RAP1GAP2: variants seen among roughly 807,000 people sequenced by gnomAD.
The protein encoded by RAP1GAP2 is rap1 GTPase-activating protein 2.
Under a neutral mutation model 95.0 loss-of-function variants are expected in RAP1GAP2, and 27 were observed. That is an observed-to-expected ratio of 0.28 (90% CI 0.21 to 0.39). The LOEUF is 0.39. Among genes scored for constraint, RAP1GAP2 ranks in the 10% least tolerant of loss-of-function variants. The pLI is 1.00. For missense variants in RAP1GAP2, 771 were observed against 970.0 expected, an observed-to-expected ratio of 0.79 and a Z score of 2.72; for synonymous variants, 373 against 380.9, an observed-to-expected ratio of 0.98 and a Z score of 0.24.
Position 2,965,051 on chromosome 17 carries a change from C to T in RAP1GAP2, c.493-489C>T, listed in dbSNP as rs2044529845. On this transcript the variant is annotated intron_variant, in intron 7 of 24. Transcript: ENST00000254695. This position sits in a 1 kb window ranked among gnomAD's most constrained non-coding sequence, Gnocchi z 4.7. ...CCCACTGGCTCAGGACACCTCCCAG[C>T]TCCCCTGGGTGGAGGTGCCAGGGTT... is the stretch of plus-strand genomic sequence containing the variant. 6.3e-6 allele frequency: 1 copy of T among 158,080 alleles called. No individual in the cohort carries two copies. Among genetic ancestry groups the T allele is most frequent in the Non-Finnish European group, 1.4e-5 (1 of 71,240 alleles). 9.8% of individuals were successfully genotyped at this position (158,080 alleles called of 1,614,324 possible). A position where few individuals can be genotyped will look rare whatever the true frequency, so the allele number is the denominator to read the frequency against.
intron 2 of RAP1GAP2, among the ~76,000 whole-genome samples, chr17:2,842,097 G>A (rs79919019): frequency 0.019 from 2,910 of 152,232 alleles, 83 homozygotes; most frequent in East Asian, 0.11. Context: ...GGAGTATTGG[G>A]GTCCTTGTCA....
chr17:2,762,052 A>G (rs532251457), intron 1 of RAP1GAP2, among the ~76,000 whole-genome samples: 2 of 130,020 alleles, frequency 1.5e-5, no homozygotes, highest in East Asian at 2.3e-4. Flanking sequence ...ACAGTGGTGC[A>G]ATCTTGGCTT....
chr17:2,978,412 T>C (rs571726554), intron 8 of RAP1GAP2, among the ~76,000 whole-genome samples: 1 of 152,062 alleles, frequency 6.6e-6, no homozygotes, highest in Non-Finnish European at 1.5e-5. Context: ...GACTGATGGG[T>C]AGGGAGCGTG....
chr17:2,878,505 C>T (rs563593298), intron 2 of RAP1GAP2, among the ~76,000 whole-genome samples: 16 of 152,256 alleles, frequency 1.1e-4, no homozygotes, highest in Admixed American at 9.1e-4. Flanking sequence ...AAAGGTGCAT[C>T]ACCTAGGCAA....
chr17:3,005,577 C>T lies in RAP1GAP2; in HGVS notation c.1272+137C>T. The T allele has an allele frequency of 1.0e-6, 1 of 994,948 alleles. No homozygotes were observed. Among genetic ancestry groups the T allele is most frequent in the South Asian group, 1.3e-5 (1 of 74,380 alleles). 61.6% of individuals were successfully genotyped at this position (994,948 alleles called of 1,614,324 possible). A position where few individuals can be genotyped will look rare whatever the true frequency, so the allele number is the denominator to read the frequency against. ...TTTTGCAGGTTTTGGGGGGAACCTCCTTTCTTGGGGTCTCTCCCCACCTCT... is the reference window on the plus strand; with the variant it reads ...TTTTGCAGGTTTTGGGGGGAACCTCTTTTCTTGGGGTCTCTCCCCACCTCT... On this transcript the variant is annotated intron_variant, in intron 15 of 24. Transcript: ENST00000254695. This position sits in a 1 kb window ranked among gnomAD's most constrained non-coding sequence, Gnocchi z 5.2.
intron 11 of RAP1GAP2, among the ~76,000 whole-genome samples, chr17:2,988,025 A>G (rs1218458934): frequency 1.3e-5 from 2 of 152,136 alleles, no homozygotes; most frequent in African/African-American, 4.8e-5. Context: ...CTGTTTGCAG[A>G]GCTTGCTACT....
chr17:2,814,208 AC>A (rs1272269590), intron 2 of RAP1GAP2, among the ~76,000 whole-genome samples: 1 of 152,070 alleles, frequency 6.6e-6, no homozygotes, highest in Non-Finnish European at 1.5e-5. Flanking sequence ...TCCTGACTCT[AC>A]CAGCTGGGTG....
intron 2 of RAP1GAP2, among the ~76,000 whole-genome samples, chr17:2,810,679 C>G (rs931715408): frequency 6.6e-6 from 1 of 151,788 alleles, no homozygotes; most frequent in African/African-American, 2.4e-5. Context: ...TACAGGCATG[C>G]GCCACCACAC....
At chr17:2,998,474 G>T in intron 14 of RAP1GAP2, 98 bp downstream of exon 14, 2 of 1,406,092 alleles carry the variant, frequency 1.4e-6, no homozygotes, top group Non-Finnish European at 1.9e-6. Flanking sequence ...AGCAGTCAGA[G>T]ATTCTCCATG....
upstream of RAP1GAP2, among the ~76,000 whole-genome samples, chr17:2,792,802 G>A (rs529363627): frequency 1.3e-4 from 20 of 152,346 alleles, no homozygotes; most frequent in Admixed American, 7.8e-4. Flanking sequence ...GCCTCGAAAC[G>A]CACCCCTTCC....
In RAP1GAP2 at chr17:2,903,984, G is replaced by GGGGC. The variant is rs1354508662; in HGVS notation, c.81-1299_81-1296dup. Among the ~76,000 whole-genome samples the GGGGC allele has an allele frequency of 2.0e-5, 3 of 152,222 alleles. No homozygotes were observed. Among genetic ancestry groups the GGGGC allele is most frequent in the Non-Finnish European group, 4.4e-5 (3 of 68,044 alleles). ...GCTGGCAGGACTTGGGCTGGGAAGA[G>GGGGC]GGGCAGAAGGATTCTCTGGAGGTGG... On this transcript the variant is annotated intron_variant, in intron 2 of 24. Coordinates refer to ENST00000254695, the MANE Select transcript of RAP1GAP2 (RefSeq NM_015085.5). The surrounding 1 kb of genome is among the most constrained non-coding windows in gnomAD (Gnocchi z 4.1).
chr17:2,965,473 G>A lies in RAP1GAP2; in HGVS notation c.493-67G>A. 2 of 1,198,280 alleles carry A rather than the reference G, an allele frequency of 1.7e-6. No individual in the cohort carries two copies. The highest frequency in any genetic ancestry group is 2.4e-6 in the Non-Finnish European group (2 of 828,352). The allele number at this position is 1,198,280 out of a possible 1,614,324, so 74.2% of individuals were successfully genotyped here. A position where few individuals can be genotyped will look rare whatever the true frequency, so the allele number is the denominator to read the frequency against. On this transcript the variant is annotated intron_variant, in intron 7 of 24. Transcript: ENST00000254695. This position sits in a 1 kb window ranked among gnomAD's most constrained non-coding sequence, Gnocchi z 4.7. The stretch of plus-strand genomic sequence containing the variant: ...TGGGGCTTCTCCTGGTGAAGGAGGT[G>A]GTTTAGGGGGAACATACCTGGAAGG...
chr17:3,025,579 G>A (rs545888047), intron 19 of RAP1GAP2, among the ~76,000 whole-genome samples: 15 of 152,300 alleles, frequency 9.8e-5, no homozygotes, highest in South Asian at 2.1e-4. Flanking sequence ...ATGGCCCCCC[G>A]GGACTTCCCA....
chr17:2,813,089 T>C (rs2069843584), intron 2 of RAP1GAP2, among the ~76,000 whole-genome samples: 2 of 151,592 alleles, frequency 1.3e-5, no homozygotes, highest in Non-Finnish European at 2.9e-5. Context: ...TTTTTTTTTT[T>C]GAGATGGAGT....
chr17:2,860,339 A>G (rs926117572), intron 2 of RAP1GAP2, among the ~76,000 whole-genome samples: 25 of 152,088 alleles, frequency 1.6e-4, no homozygotes, highest in African/African-American at 6.0e-4. Flanking sequence ...ACCTCCCTTT[A>G]GCCAGCTTCC....
At chr17:3,007,287 A>G (rs560102838) in intron 16 of RAP1GAP2, among the ~76,000 whole-genome samples, 1 of 152,120 alleles carries the variant, frequency 6.6e-6, no homozygotes, top group Non-Finnish European at 1.5e-5. Flanking sequence ...CTCGATGTGT[A>G]TGCCAGAGGG....
At chr17:2,853,551 G>A (rs1022920282) in intron 2 of RAP1GAP2, among the ~76,000 whole-genome samples, 5 of 151,172 alleles carry the variant, frequency 3.3e-5, no homozygotes, top group African/African-American at 1.2e-4. Flanking sequence ...GGGCGCCTGG[G>A]AGCCGGGCAG....
chr17:2,775,577 G>A (rs1436322015), upstream of RAP1GAP2, among the ~76,000 whole-genome samples: 1 of 152,146 alleles, frequency 6.6e-6, no homozygotes, highest in Non-Finnish European at 1.5e-5. Context: ...GGCCATTGTA[G>A]CTAGAGCAGA....
At chr17:2,799,938 C>T (rs1004999017) in intron 1 of RAP1GAP2, among the ~76,000 whole-genome samples, 5 of 152,168 alleles carry the variant, frequency 3.3e-5, no homozygotes, top group East Asian at 3.9e-4. Context: ...TGATCTTCCC[C>T]GCTCTGAACC....
Sources: allele counts gnomAD v4.1 joint callset (sites outside exome capture counted in the v4.1 genomes callset), GRCh38; gene constraint gnomAD v4.1.1; non-coding constraint Gnocchi (gnomAD v3.1); transcripts MANE v1.5; gene names NCBI Gene and HGNC (gene_info 2026-07-23, HGNC 2026-07-21).